Variants in DLG2 observed in about 807,000 individuals in gnomAD.
The protein encoded by DLG2 is discs large MAGUK scaffold protein 2, also known as disks large homolog 2.
DLG2 carries 45 observed loss-of-function variants against 132.5 expected under a neutral mutation model. The observed-to-expected ratio is 0.34, with a 90% CI of 0.27 to 0.44. The LOEUF is 0.44. Ranked by LOEUF, DLG2 falls within the 20% of genes least tolerant of loss-of-function variation. The probability of loss-of-function intolerance (pLI) is 1.00; values close to 1 mark genes in which losing one functional copy is unlikely to be tolerated. For missense variants in DLG2, 1,045 were observed against 1,196.9 expected (o/e 0.87, Z 1.87); for synonymous variants, 424 against 419.6 (o/e 1.01, Z -0.13).
At chr11:83,745,814 AT>A in intron 18 of DLG2, among the ~76,000 whole-genome samples, 1 of 151,150 alleles carries the variant, frequency 6.6e-6, no homozygotes, top group African/African-American at 2.4e-5. Context: ...AAAAAAAAAA[AT>A]TTTTGCAATC....
intron 7 of DLG2, among the ~76,000 whole-genome samples, chr11:84,480,297 C>A (rs1255847423): frequency 6.6e-6 from 1 of 152,114 alleles, no homozygotes; most frequent in Non-Finnish European, 1.5e-5. Flanking sequence ...GAGTGACTTT[C>A]TGAGGCTCAT....
intron 9 of DLG2, among the ~76,000 whole-genome samples, chr11:84,119,178 C>T (rs1014724765): frequency 1.5e-4 from 23 of 151,742 alleles, no homozygotes; most frequent in African/African-American, 1.2e-4. Context: ...GAGTTGAAAA[C>T]GACAGCTTCT....
intron 14 of DLG2, among the ~76,000 whole-genome samples, chr11:83,933,548 G>A (rs1275701457): frequency 6.6e-6 from 1 of 152,160 alleles, no homozygotes; most frequent in Non-Finnish European, 1.5e-5. Flanking sequence ...CTGGCCCTTG[G>A]TGATCTCTCT....
At chr11:85,012,480 C>T (rs375712864) in intron 6 of DLG2, among the ~76,000 whole-genome samples, 101 of 151,592 alleles carry the variant, frequency 6.7e-4, no homozygotes, top group African/African-American at 1.8e-3. Context: ...GCTGAGATCG[C>T]GCCATTGCAC....
At position 84,854,457 on chromosome 11, in the gene DLG2, C is replaced by G. The variant is rs1044600921; in HGVS notation, c.357+257204G>C. On this transcript the variant is annotated intron_variant, in intron 6 of 27. Coordinates refer to ENST00000376104, the MANE Select transcript of DLG2 (RefSeq NM_001142699.3). ...GTAGCAGATGATGCTACCACCACTA[C>G]CAATCATACTACTTTTGGTAACAGC... 1.1e-4 allele frequency among the ~76,000 whole-genome samples: 16 copies of G among 151,944 alleles called. No homozygotes were observed. The East Asian group carries it at 2.9e-3, about 28-fold the overall frequency.
intron 6 of DLG2, among the ~76,000 whole-genome samples, chr11:84,714,576 T>G (rs2060860039): frequency 7.6e-6 from 1 of 131,286 alleles, no homozygotes; most frequent in South Asian, 2.4e-4. Flanking sequence ...TCTCTTTCTC[T>G]TTCTCTTTCT....
At chr11:83,756,869 T>G (rs2093670189) in intron 18 of DLG2, among the ~76,000 whole-genome samples, 1 of 146,344 alleles carries the variant, frequency 6.8e-6, no homozygotes, top group African/African-American at 2.8e-5. Context: ...TAGTTAGCCT[T>G]TCAGCTTTGT....
At chr11:83,975,231 A>T (rs2092022685) in intron 12 of DLG2, among the ~76,000 whole-genome samples, 1 of 152,024 alleles carries the variant, frequency 6.6e-6, no homozygotes, top group Non-Finnish European at 1.5e-5. Context: ...AAAATCTGTT[A>T]TGCTGTTAAA....
intron 4 of DLG2, among the ~76,000 whole-genome samples, chr11:85,265,712 C>A (rs1170508912): frequency 6.6e-6 from 1 of 152,200 alleles, no homozygotes; most frequent in Non-Finnish European, 1.5e-5. Context: ...CTACCAATAG[C>A]TTGCTGCACC....
intron 17 of DLG2, chr11:83,791,125 G>C (rs531991483): frequency 3.0e-6 from 2 of 658,924 alleles, no homozygotes; most frequent in South Asian, 3.7e-5. Flanking sequence ...CCTCCATCTT[G>C]ATGCACGTCT....
At chr11:83,653,879 C>T (rs574773831) in intron 18 of DLG2, among the ~76,000 whole-genome samples, 13 of 152,200 alleles carry the variant, frequency 8.5e-5, no homozygotes, top group Admixed American at 2.0e-4. Flanking sequence ...TGCACCACCA[C>T]ACCTAGCTAA....
intron 3 of DLG2, among the ~76,000 whole-genome samples, chr11:85,470,846 A>T (rs1311308580): frequency 6.6e-6 from 1 of 152,242 alleles, no homozygotes; most frequent in Non-Finnish European, 1.5e-5. Context: ...CAGAATAGAC[A>T]GTGAGAGGAC....
At position 83,829,197 on chromosome 11, in the gene DLG2, C is replaced by CT. The variant is rs5793089; in HGVS notation, c.1722+4416dup. Among the ~76,000 whole-genome samples the CT allele has an allele frequency of 5.4e-3, 644 of 119,340 alleles. 5 individuals carry two copies. Among genetic ancestry groups the CT allele is most frequent in the Non-Finnish European group, 8.3e-3 (483 of 58,122 alleles). 78.3% of individuals were successfully genotyped at this position (119,340 alleles called of 152,430 possible). A position where few individuals can be genotyped will look rare whatever the true frequency, so the allele number is the denominator to read the frequency against. ...TTAATATGTATTGAATTTTATTTAG[C>CT]TTTTTTTTTTTTTTTTTTTGACAGA... On this transcript the variant is annotated intron_variant, in intron 17 of 27. Coordinates refer to ENST00000376104, the MANE Select transcript of DLG2 (RefSeq NM_001142699.3).
chr11:84,024,109 T>C (rs986569036), intron 11 of DLG2, among the ~76,000 whole-genome samples: 1 of 152,162 alleles, frequency 6.6e-6, no homozygotes, highest in African/African-American at 2.4e-5. Context: ...TGCTGGTATC[T>C]GAACCCCAAC....
chr11:85,496,699 C>G (rs1001834135), intron 3 of DLG2, among the ~76,000 whole-genome samples: 5 of 152,148 alleles, frequency 3.3e-5, no homozygotes, highest in Non-Finnish European at 7.3e-5. Flanking sequence ...CACGCTCGTG[C>G]CCCTCTCAGA....
chr11:85,553,498 T>C (rs1306941851), intron 3 of DLG2, among the ~76,000 whole-genome samples: 1 of 151,618 alleles, frequency 6.6e-6, no homozygotes, highest in Non-Finnish European at 1.5e-5. Flanking sequence ...TTTGTATTTT[T>C]GGTAGAAATG....
intron 3 of DLG2, among the ~76,000 whole-genome samples, chr11:85,339,781 C>T (rs1389202941): frequency 1.3e-5 from 2 of 152,034 alleles, no homozygotes; most frequent in African/African-American, 4.8e-5. Context: ...AGAACTCAAA[C>T]AAATTTACAA....
chr11:84,764,549 A>T (rs1597574592), intron 6 of DLG2, among the ~76,000 whole-genome samples: 2 of 152,136 alleles, frequency 1.3e-5, no homozygotes, highest in Non-Finnish European at 2.9e-5. Context: ...CACTGTTAGT[A>T]TCTCCATTCT....
intron 17 of DLG2, among the ~76,000 whole-genome samples, chr11:83,810,691 A>G (rs1234960901): frequency 6.6e-6 from 1 of 152,144 alleles, no homozygotes; most frequent in African/African-American, 2.4e-5. Context: ...TTGATTCTGC[A>G]AAGAGCTATG....
Sources: allele counts gnomAD v4.1 joint callset (sites outside exome capture counted in the v4.1 genomes callset), GRCh38; gene constraint gnomAD v4.1.1; transcripts MANE v1.5; gene names NCBI Gene and HGNC (gene_info 2026-07-23, HGNC 2026-07-21).